ELMOD2: variants seen among roughly 807,000 people sequenced by gnomAD.
The protein encoded by ELMOD2 is ELMO domain containing 2.
Under a neutral mutation model 41.0 loss-of-function variants are expected in ELMOD2, and 28 were observed. The observed-to-expected ratio is 0.68, with a 90% confidence interval of 0.51 to 0.94. The LOEUF is 0.94. Ranked by LOEUF, ELMOD2 falls within the 40% of genes least tolerant of loss-of-function variation. The pLI is 0.00. For synonymous variants in ELMOD2, 106 were observed against 107.2 expected, an observed-to-expected ratio of 0.99 and a Z score of 0.07; for missense variants, 333 against 343.1, an observed-to-expected ratio of 0.97 and a Z score of 0.23.
chr4:140,533,169 T>C (rs568550101), intron 3 of ELMOD2, among the ~76,000 whole-genome samples: 2 of 152,330 alleles, frequency 1.3e-5, no homozygotes, highest in East Asian at 3.9e-4. Context: ...ATGGATTCAA[T>C]GCAGTTCCAG....
intron 5 of ELMOD2, 142 bp from the exon 6 acceptor site, chr4:140,540,026 C>G: frequency 1.1e-6 from 1 of 878,216 alleles, no homozygotes; most frequent in South Asian, 2.1e-5. Flanking sequence ...AAATGTGCTG[C>G]GTGTTTTAGG....
intron 4 of ELMOD2, among the ~76,000 whole-genome samples, chr4:140,536,694 C>A (rs991685732): frequency 6.6e-6 from 1 of 152,002 alleles, no homozygotes; most frequent in Non-Finnish European, 1.5e-5. Flanking sequence ...GGTTTTTAAG[C>A]AAACAAGCTA....
At chr4:140,525,005 A>G (rs1207155589) in intron 1 of ELMOD2, 1 of 161,854 alleles carries the variant, frequency 6.2e-6, no homozygotes, top group Non-Finnish European at 1.3e-5. Context: ...TATTCTATAA[A>G]AACAACTCTG....
At position 140,525,548 on chromosome 4, in the gene ELMOD2, T is replaced by G. The variant is rs547216026; in HGVS notation, c.120T>G (p.Gly40=). 4 of 1,612,224 alleles carry G rather than the reference T, an allele frequency of 2.5e-6. No individual in the cohort carries two copies. In the Admixed American group the frequency reaches 6.7e-5, roughly 27 times the overall value. Residue 40 remains glycine (G), a synonymous_variant, in exon 2 of 9, where the codon GGT becomes GGG. Transcript: ENST00000323570. ...AGCGAATATTTGATACCTATGTAGG[T>G]GCACAAAGGACACACAGGATAGGTA... ...ELQRIFDTYV[G]AQRTHRIENS...
chr4:140,542,598 T>C lies in ELMOD2; in HGVS notation c.558T>C (p.Ser186=), dbSNP rs1475961789. ...NLVYFSENYT[S]EAHQILSRSN... ...GGTATTTCAGTGAAAATTACACTAG[T>C]GAAGCTCATCAGATTCTTTCCCGTT... Residue 186 remains serine, a synonymous_variant, in exon 7 of 9, where the codon AGT becomes AGC. Coordinates refer to ENST00000323570, the MANE Select transcript of ELMOD2 (RefSeq NM_153702.4). The C allele has an allele frequency of 1.9e-6, 3 of 1,606,988 alleles. No individual in the cohort carries two copies. The highest frequency in any genetic ancestry group is 2.6e-6 in the Non-Finnish European group (3 of 1,176,218).
chr4:140,541,169 G>A (rs767892540), intron 6 of ELMOD2, among the ~76,000 whole-genome samples: 165 of 152,226 alleles, frequency 1.1e-3, no homozygotes, highest in South Asian at 2.1e-3. Context: ...CTCCTATAAG[G>A]ATATGCAAAT....
chr4:140,536,194 G>T (rs995099285), intron 4 of ELMOD2, among the ~76,000 whole-genome samples: 10 of 152,132 alleles, frequency 6.6e-5, no homozygotes, highest in Admixed American at 1.3e-4. Context: ...TAGGTGCATT[G>T]CTGTGGCATC....
intron 8 of ELMOD2, among the ~76,000 whole-genome samples, chr4:140,547,707 A>G (rs889638181): frequency 6.6e-6 from 1 of 152,010 alleles, no homozygotes; most frequent in Non-Finnish European, 1.5e-5. Flanking sequence ...CATTTTCATC[A>G]CCCCAGTGAG....
In ELMOD2 at chr4:140,543,470, T is replaced by G. The variant is rs1281420962; in HGVS notation, c.620T>G (p.Val207Gly). Residue 207 changes from valine to glycine, a missense_variant, in exon 8 of 9, where the codon GTT becomes GGT. Transcript: ENST00000323570. ...TGACATAGGTATTCTTATGCAATAG[T>G]TGGAATCAATCTTACAGAGATGGCT... ...HPKLGYSYAI[V>G]GINLTEMAYS... The G allele has an allele frequency of 6.3e-7, 1 of 1,598,902 alleles. No homozygotes were observed. The highest frequency in any genetic ancestry group is 8.5e-7 in the Non-Finnish European group (1 of 1,176,208).
chr4:140,524,805 T>TAC (rs757270845), intron 1 of ELMOD2: 7 of 246,310 alleles, frequency 2.8e-5, no homozygotes, highest in Non-Finnish European at 4.5e-5. Flanking sequence ...TTGTATCGAG[T>TAC]GTGTACTTAG....
intron 3 of ELMOD2, among the ~76,000 whole-genome samples, chr4:140,533,650 A>G (rs1418758896): frequency 1.3e-5 from 2 of 152,190 alleles, no homozygotes; most frequent in African/African-American, 2.4e-5. Context: ...CTGCTTATCA[A>G]TGATACCTTT....
Position 140,553,642 on chromosome 4 carries a change from A to G in ELMOD2, c.*3267A>G, listed in dbSNP as rs571771243. 1 of 152,280 alleles carries G rather than the reference A, an allele frequency of 6.6e-6. No homozygotes were observed. The highest frequency in any genetic ancestry group is 2.1e-4 in the South Asian group (1 of 4,832). The allele number at this position is 152,280 out of a possible 1,614,324, so 9.4% of individuals were successfully genotyped here. ...CTCTGGGGGAAAAAGTACCACTTGG[A>G]CACTTAAAGGAATTGGGATTTTTGT... On this transcript the variant is annotated 3_prime_UTR_variant, in exon 9 of 9. Coordinates refer to ENST00000323570, the MANE Select transcript of ELMOD2 (RefSeq NM_153702.4).
At chr4:140,526,944 A>G (rs1230519394) in intron 2 of ELMOD2, 1 of 152,246 alleles carries the variant, frequency 6.6e-6, no homozygotes, top group Admixed American at 6.5e-5. Flanking sequence ...ACCAATAAAA[A>G]TGTTCCTGTG....
At chr4:140,534,956 G>A (rs1264365063) in intron 3 of ELMOD2, among the ~76,000 whole-genome samples, 4 of 152,122 alleles carry the variant, frequency 2.6e-5, no homozygotes, top group Non-Finnish European at 4.4e-5. Flanking sequence ...TACCCATGGC[G>A]AAGGTAGTCC....
At chr4:140,525,283 G>A in intron 1 of ELMOD2, 137 bp from the exon 2 acceptor site, 1 of 898,058 alleles carries the variant, frequency 1.1e-6, no homozygotes, top group Non-Finnish European at 1.7e-6. Flanking sequence ...GTTTTTAAAT[G>A]CCTAATTAAA....
chr4:140,546,125 G>A (rs1275281766), intron 8 of ELMOD2, among the ~76,000 whole-genome samples: 3 of 152,128 alleles, frequency 2.0e-5, no homozygotes, highest in African/African-American at 7.2e-5. Flanking sequence ...AGAAAATGTG[G>A]CACATATACA....
At position 140,553,123 on chromosome 4, in the gene ELMOD2, C is replaced by T. The variant is rs899424181; in HGVS notation, c.*2748C>T. On this transcript the variant is annotated 3_prime_UTR_variant, in exon 9 of 9. Transcript: ENST00000323570. ...CTTTTGTTCCAGTACTATAATTGCT[C>T]ATGCACTCTTTCTCCCCTTTGAGAA... 4 of 152,096 alleles carry T rather than the reference C, an allele frequency of 2.6e-5. No homozygotes were observed. Among genetic ancestry groups the T allele is most frequent in the African/African-American group, 4.8e-5 (2 of 41,416 alleles). 9.4% of individuals were successfully genotyped at this position (152,096 alleles called of 1,614,324 possible). A position where few individuals can be genotyped will look rare whatever the true frequency, so the allele number is the denominator to read the frequency against.
At chr4:140,525,661 C>A in intron 2 of ELMOD2, 91 bp downstream of exon 2, 4 of 1,367,942 alleles carry the variant, frequency 2.9e-6, no homozygotes, top group East Asian at 2.6e-5. Flanking sequence ...TCTTTTGTAT[C>A]CTGACAAGTC....
At position 140,525,490 on chromosome 4, in the gene ELMOD2, T is replaced by C. The variant is rs760829336; in HGVS notation, c.62T>C (p.Leu21Pro). Residue 21 changes from leucine (L) to proline (P), a missense_variant, in exon 2 of 9, where the codon CTA becomes CCA. Coordinates refer to ENST00000323570, the MANE Select transcript of ELMOD2 (RefSeq NM_153702.4). ...GHFFRFWMKW[L>P]LRQMTGKCEL... is the part of the protein sequence containing the mutation. ...TTTTTTCGATTTTGGATGAAATGGC[T>C]ATTACGACAGATGACTGGGAAGTGT... 1.2e-6 allele frequency: 2 copies of C among 1,614,066 alleles called. No homozygotes were observed. Among genetic ancestry groups the C allele is most frequent in the South Asian group, 2.2e-5 (2 of 91,076 alleles).
Sources: allele counts gnomAD v4.1 joint callset (sites outside exome capture counted in the v4.1 genomes callset), GRCh38; gene constraint gnomAD v4.1.1; transcripts MANE v1.5; gene names NCBI Gene and HGNC (gene_info 2026-07-23, HGNC 2026-07-21).